SLC23A3: variants seen among roughly 807,000 people sequenced by gnomAD.
SLC23A3 encodes the protein E2-binding protein 3.
In SLC23A3, 41 loss-of-function variants were observed where a neutral mutation model predicts 64.7. The ratio of observed to expected loss-of-function variants is 0.63; its 90% CI spans 0.49 to 0.82. SLC23A3 has a LOEUF of 0.82. Ranked by LOEUF, SLC23A3 falls within the 40% of genes least tolerant of loss-of-function variation. SLC23A3 has a pLI of 0.00. For missense variants in SLC23A3, 647 were observed against 733.4 expected, an observed-to-expected ratio of 0.88 and a Z score of 1.36; for synonymous variants, 281 against 306.8, an observed-to-expected ratio of 0.92 and a Z score of 0.88.
Position 219,169,030 on chromosome 2 carries a change from T to A in SLC23A3, c.491A>T (p.Glu164Val). ...CCCTTCTCACCTCCAGATACCCACC[T>A]CCTGGAGAGAAGTGTTCCAGTGCCC... is the stretch of plus-strand genomic sequence containing the variant. ...GLGHWNTSLQ[E>V]VSGAVVVSGL... is the part of the protein sequence containing the mutation. The change falls in exon 4 of 12, where the codon GAG becomes GTG. Residue 164 changes from glutamate (E) to valine (V), a missense_variant and splice_region_variant. Glu to Val is a moderately radical substitution (Grantham distance 121). Transcript: ENST00000409878. The surrounding 1 kb of genome is among the most constrained non-coding windows in gnomAD (Gnocchi z 4.5). 1 of 1,613,214 alleles carries A rather than the reference T, an allele frequency of 6.2e-7. No homozygotes were observed. Among genetic ancestry groups the A allele is most frequent in the East Asian group, 2.2e-5 (1 of 44,872 alleles).
intron 5 of SLC23A3, 74 bp downstream of exon 5, chr2:219,168,578 G>T: frequency 7.0e-7 from 1 of 1,430,464 alleles, no homozygotes; most frequent in East Asian, 2.4e-5. Context: ...GATAGGACCA[G>T]CAGTTCTGCC....
chr2:219,165,268 C>G lies in SLC23A3; in HGVS notation c.1068G>C (p.Leu356=). ...GCACACTGCCCAGCCCCTCCAGGCT[C>G]AGCCCTCGACTGCAGGCATGTGGAG... The part of the protein sequence containing the change: ...PPPPHACSRG[L]SLEGLGSVLA... The change falls in exon 8 of 12, where the codon CTG becomes CTC. Residue 356 remains leucine, a synonymous_variant. Transcript: ENST00000409878. The G allele has an allele frequency of 1.9e-6, 3 of 1,551,712 alleles. No individual in the cohort carries two copies. The highest frequency in any genetic ancestry group is 2.6e-6 in the Non-Finnish European group (3 of 1,147,028).
At chr2:219,168,558 T>C (rs1283528362) in intron 5 of SLC23A3, 94 bp downstream of exon 5, 1 of 1,302,254 alleles carries the variant, frequency 7.7e-7, no homozygotes, top group Non-Finnish European at 1.1e-6. Context: ...TTCCAGTCGC[T>C]GCTGAATCTG....
rs368152491 is a variant in SLC23A3, at chr2:219,165,732, C to T, written c.914-310G>A. On this transcript the variant is annotated intron_variant, in intron 7 of 11. Transcript: ENST00000409878. ...GCTGTGCTCCCAGCCACCACAGGGC[C>T]TTTGCATATGCAGTTTCCTGCAACT... Among the ~76,000 whole-genome samples, 252 of 152,372 alleles carry T rather than the reference C, an allele frequency of 1.7e-3. 2 individuals carry two copies. The highest frequency in any genetic ancestry group is 5.8e-3 in the African/African-American group (242 of 41,590).
chr2:219,162,156 G>C lies in SLC23A3; in HGVS notation c.1586C>G (p.Thr529Ser). 6.2e-7 allele frequency: 1 copy of C among 1,613,382 alleles called. No homozygotes were observed. Among genetic ancestry groups the C allele is most frequent in the Non-Finnish European group, 8.5e-7 (1 of 1,179,508 alleles). ...CTGAGGCATTCGAGCCTCTTGGGCA[G>C]TGAAAGGAGATGGTAGCCCTTGACC... ...GLGQGLPSPF[T>S]AQEARMPQKP... is the part of the protein sequence containing the mutation. The change falls in exon 12 of 12, where the codon ACT becomes AGT. Residue 529 changes from threonine (T) to serine (S), a missense_variant. Transcript: ENST00000409878.
In SLC23A3 at chr2:219,167,920, G is replaced by A. The variant is rs574932431; in HGVS notation, c.913+10C>T. 6.3e-6 allele frequency: 10 copies of A among 1,576,086 alleles called. No homozygotes were observed. The African/African-American group carries it at 1.2e-4, about 20-fold the overall frequency. Reference sequence around the variant, plus strand: ...TGAACAAGAGAATGGAGGACTAGGAGAAAACCTACCTGGGTGAGGCAGCCA... The same window carrying A: ...TGAACAAGAGAATGGAGGACTAGGAAAAAACCTACCTGGGTGAGGCAGCCA... On this transcript the variant is annotated intron_variant, in intron 7 of 11. Coordinates refer to ENST00000409878, the MANE Select transcript of SLC23A3 (RefSeq NM_001144889.2).
At chr2:219,164,020 C>G (rs906393048) in intron 9 of SLC23A3, among the ~76,000 whole-genome samples, 8 of 152,228 alleles carry the variant, frequency 5.3e-5, no homozygotes, top group African/African-American at 2.4e-5. Flanking sequence ...ATTTCTGATT[C>G]TTCAGGAAGC....
intron 4 of SLC23A3, 53 bp downstream of exon 4, chr2:219,168,976 G>A: frequency 6.4e-7 from 1 of 1,568,984 alleles, no homozygotes. Context: ...GGAAACAAGA[G>A]CCCCCCCCAA....
chr2:219,168,070 C>A, intron 6 of SLC23A3, 26 bp from the exon 7 acceptor site: 2 of 1,564,522 alleles, frequency 1.3e-6, no homozygotes, highest in South Asian at 1.2e-5. Context: ...GAGAAAAGAA[C>A]TCCTCCCCCA....
Position 219,168,239 on chromosome 2 carries a change from T to A in SLC23A3, c.754A>T (p.Thr252Ser), listed in dbSNP as rs371603332. The A allele has an allele frequency of 1.2e-6, 2 of 1,613,920 alleles. No homozygotes were observed. Among genetic ancestry groups the A allele is most frequent in the South Asian group, 1.1e-5 (1 of 91,068 alleles). Residue 252 changes from threonine to serine, a missense_variant, in exon 6 of 12, where the codon ACG becomes TCG. Coordinates refer to ENST00000409878, the MANE Select transcript of SLC23A3 (RefSeq NM_001144889.2). ...FHVCPWRRAS[T>S]SSTHTPLPVF... ...GGGAGAGGAGTGTGAGTTGATGACG[T>A]TGAAGCTCGCCTCCAGGGGCACACA... is the stretch of plus-strand genomic sequence containing the variant.
Position 219,169,712 on chromosome 2 carries a change from G to C in SLC23A3, c.163-34C>G. 4 of 1,613,528 alleles carry C rather than the reference G, an allele frequency of 2.5e-6. No individual in the cohort carries two copies. The highest frequency in any genetic ancestry group is 2.5e-6 in the Non-Finnish European group (3 of 1,179,740). ...GGAGGAATGGGGAGGGCAGTCTTCA[G>C]AGAAGTGGAAATACCTACAATACTT... is the stretch of plus-strand genomic sequence containing the variant. On this transcript the variant is annotated intron_variant, in intron 1 of 11. Coordinates refer to ENST00000409878, the MANE Select transcript of SLC23A3 (RefSeq NM_001144889.2). The surrounding 1 kb of genome is among the most constrained non-coding windows in gnomAD (Gnocchi z 4.5).
Position 219,163,564 on chromosome 2 carries a change from T to TA in SLC23A3, c.1274-10dup. ...CACCCCCAGCACCCCACCTGTCTCA[T>TA]ACAGAAGAAATCAAGGGGGTCAGGA... On this transcript the variant is annotated splice_polypyrimidine_tract_variant and intron_variant, in intron 9 of 11. Coordinates refer to ENST00000409878, the MANE Select transcript of SLC23A3 (RefSeq NM_001144889.2). The TA allele has an allele frequency of 2.5e-6, 4 of 1,613,966 alleles. No individual in the cohort carries two copies. The highest frequency in any genetic ancestry group is 1.7e-6 in the Non-Finnish European group (2 of 1,179,980).
rs1949969583 is a variant in SLC23A3 at position 219,163,420 on chromosome 2, C to T, written c.1409G>A (p.Trp470Ter). The change falls in exon 10 of 12, where the codon TGG becomes TAG. Residue 470 changes from tryptophan to a stop codon, truncating the protein, a stop_gained. Coordinates refer to ENST00000409878, the MANE Select transcript of SLC23A3 (RefSeq NM_001144889.2). LOFTEE classifies it high-confidence loss of function. ...GAACAGGACTGGGGCTTCCCGAAAC[C>T]ATCTTGGCAGCAGCAAGGCCATGAA... ...SIFMALLLPR[W>*]FREAPVLFST... 1 of 1,614,104 alleles carries T rather than the reference C, an allele frequency of 6.2e-7. No individual in the cohort carries two copies. Among genetic ancestry groups the T allele is most frequent in the South Asian group, 1.1e-5 (1 of 91,088 alleles).
chr2:219,162,914 TG>T (rs1012217156), intron 10 of SLC23A3, among the ~76,000 whole-genome samples: 1 of 152,136 alleles, frequency 6.6e-6, no homozygotes, highest in Non-Finnish European at 1.5e-5. Context: ...AATGTCCCCA[TG>T]GGGGCAAAAT....
intron 8 of SLC23A3, 123 bp from the exon 9 acceptor site, chr2:219,164,461 C>T: frequency 1.5e-6 from 1 of 668,464 alleles, no homozygotes; most frequent in Non-Finnish European, 2.7e-6. Context: ...AAGAAGCCTT[C>T]CTGGCCAGTC....
chr2:219,166,370 T>C (rs1321754826), intron 7 of SLC23A3, among the ~76,000 whole-genome samples: 1 of 152,062 alleles, frequency 6.6e-6, no homozygotes, highest in East Asian at 1.9e-4. Context: ...TAATTTTTTA[T>C]ACTGTTAATA....
rs886620116 is a variant in SLC23A3, at chr2:219,165,449, G to A, written c.914-27C>T. 2.1e-5 allele frequency: 33 copies of A among 1,536,154 alleles called. No homozygotes were observed. The East Asian group carries it at 7.9e-4, about 37-fold the overall frequency. On this transcript the variant is annotated intron_variant, in intron 7 of 11. Coordinates refer to ENST00000409878, the MANE Select transcript of SLC23A3 (RefSeq NM_001144889.2). ...TGGGGAGGGAGAAGAAGCCACTTTG[G>A]GGCCAGACTCAAGTCAGGAGTACCC...
chr2:219,166,288 C>T (rs1293383707), intron 7 of SLC23A3, among the ~76,000 whole-genome samples: 3 of 152,118 alleles, frequency 2.0e-5, no homozygotes, highest in Non-Finnish European at 4.4e-5. Context: ...CTCAATCTCT[C>T]GGGCTCAAGC....
rs1430425126 is a variant in SLC23A3, at chr2:219,169,934, C to G, written c.51G>C (p.Gln17His). Residue 17 changes from glutamine (Q) to histidine (H), a missense_variant, in exon 1 of 12, where the codon CAG becomes CAC. Physicochemically the swap from Gln to His is conservative, Grantham distance 24 (BLOSUM62 0). Transcript: ENST00000409878. The surrounding 1 kb of genome is among the most constrained non-coding windows in gnomAD (Gnocchi z 4.5). ...NPSQLRSVGS[Q>H]DALAPLPPPA... ...GTGGAGGCAAGGGGGCCAGGGCATCCTGGGAGCCCACTGATCGGAGTTGGC... is the reference window on the plus strand; with the variant it reads ...GTGGAGGCAAGGGGGCCAGGGCATCGTGGGAGCCCACTGATCGGAGTTGGC... 6.2e-7 allele frequency: 1 copy of G among 1,613,852 alleles called. No individual in the cohort carries two copies. Among genetic ancestry groups the G allele is most frequent in the Non-Finnish European group, 8.5e-7 (1 of 1,179,946 alleles).
Sources: gnomAD v4.1 joint callset for allele counts (sites outside exome capture counted in the v4.1 genomes callset) on GRCh38, gnomAD v4.1.1 for gene constraint, Gnocchi (gnomAD v3.1) non-coding constraint, MANE v1.5 for transcripts, NCBI Gene and HGNC (gene_info 2026-07-23, HGNC 2026-07-21) for gene names.